PLCB1: variants seen among roughly 807,000 people sequenced by gnomAD.
The protein encoded by PLCB1 is 1-phosphatidylinositol 4,5-bisphosphate phosphodiesterase beta-1.
In PLCB1, 46 loss-of-function variants were observed where a neutral mutation model predicts 161.8. That is an observed-to-expected ratio of 0.28 (90% CI 0.22 to 0.36). The LOEUF (loss-of-function observed/expected upper bound fraction) is 0.36, where lower values mean the gene tolerates loss of function less well. Ranked by LOEUF, PLCB1 falls within the 10% of genes least tolerant of loss-of-function variation. The pLI, the probability that PLCB1 is intolerant of heterozygous loss-of-function variation, is 1.00. For synonymous variants in PLCB1, 517 were observed against 503.7 expected (o/e 1.03, Z -0.35); for missense variants, 1,016 against 1,472.5 (o/e 0.69, Z 5.07).
At chr20:8,154,469 C>T (rs1001267767) in intron 2 of PLCB1, among the ~76,000 whole-genome samples, 2 of 152,050 alleles carry the variant, frequency 1.3e-5, no homozygotes. Context: ...GTCAGGGATT[C>T]CCTAAGGTAA....
At chr20:8,763,442 G>A (rs1600306912) in intron 25 of PLCB1, among the ~76,000 whole-genome samples, 1 of 152,050 alleles carries the variant, frequency 6.6e-6, no homozygotes, top group African/African-American at 2.4e-5. Flanking sequence ...CTGGAGTGCA[G>A]TGGCACAATC....
intron 2 of PLCB1, among the ~76,000 whole-genome samples, chr20:8,309,016 G>GA (rs969021626): frequency 2.6e-5 from 4 of 150,978 alleles, no homozygotes; most frequent in East Asian, 3.9e-4. Flanking sequence ...ATTATTGGGG[G>GA]AAAAAAAACA....
chr20:8,687,133 C>T (rs1037589271), intron 10 of PLCB1, among the ~76,000 whole-genome samples: 2 of 151,706 alleles, frequency 1.3e-5, no homozygotes, highest in Non-Finnish European at 2.9e-5. Context: ...TCAAGCAATC[C>T]TCCCACCTCA....
chr20:8,246,508 A>G (rs1412830779), intron 2 of PLCB1, among the ~76,000 whole-genome samples: 1 of 151,996 alleles, frequency 6.6e-6, no homozygotes, highest in Admixed American at 6.6e-5. Context: ...GGTTTCCACC[A>G]CATTTTCTGT....
chr20:8,759,548 T>C (rs1981907045), intron 24 of PLCB1, among the ~76,000 whole-genome samples: 1 of 152,218 alleles, frequency 6.6e-6, no homozygotes, highest in South Asian at 2.1e-4. Context: ...TTGCCCAGGC[T>C]GGAGTGCAAT....
chr20:8,183,703 T>C (rs528517554), intron 2 of PLCB1, among the ~76,000 whole-genome samples: 17 of 152,344 alleles, frequency 1.1e-4, no homozygotes, highest in Admixed American at 9.1e-4. Flanking sequence ...GAATGTCAAG[T>C]ATGAATGTCC....
At chr20:8,870,646 T>C (rs1240808640) in intron 31 of PLCB1, among the ~76,000 whole-genome samples, 1 of 152,224 alleles carries the variant, frequency 6.6e-6, no homozygotes, top group Admixed American at 6.5e-5. Context: ...TTTCCTCTTT[T>C]ATTGATTCAG....
chr20:8,402,335 G>A (rs942555138), intron 3 of PLCB1, among the ~76,000 whole-genome samples: 28 of 151,948 alleles, frequency 1.8e-4, no homozygotes, highest in African/African-American at 6.8e-4. Context: ...TTTATATTCA[G>A]GTTGTCTTTT....
intron 3 of PLCB1, among the ~76,000 whole-genome samples, chr20:8,584,726 C>T (rs137904120): frequency 0.026 from 4,012 of 151,958 alleles, 184 homozygotes; most frequent in African/African-American, 0.093. Flanking sequence ...AGTCTCGCTC[C>T]GTCACCCAGG....
chr20:8,346,340 G>C (rs1254069892), intron 2 of PLCB1, among the ~76,000 whole-genome samples: 1 of 152,106 alleles, frequency 6.6e-6, no homozygotes, highest in Non-Finnish European at 1.5e-5. Context: ...GATTTTCAAG[G>C]CTTGAGTAAT....
chr20:8,717,618 G>A (rs1979394032), intron 13 of PLCB1, 53 bp from the exon 14 acceptor site: 2 of 1,416,182 alleles, frequency 1.4e-6, no homozygotes, highest in East Asian at 4.6e-5. Context: ...CTGGGGAGGG[G>A]ATCTGAAAGA....
At chr20:8,238,053 A>G (rs73897366) in intron 2 of PLCB1, among the ~76,000 whole-genome samples, 2,144 of 152,212 alleles carry the variant, frequency 0.014, 47 homozygotes, top group African/African-American at 0.048. Context: ...CTGAAACTCA[A>G]CGAAATCTTT....
At chr20:8,729,216 G>A (rs769061114) in intron 18 of PLCB1, 42 bp downstream of exon 18, 1 of 1,511,360 alleles carries the variant, frequency 6.6e-7, no homozygotes, top group Non-Finnish European at 8.9e-7. Flanking sequence ...AACTCACATT[G>A]CCAAGTGTCC....
chr20:8,792,750 G>T (rs565141099), intron 31 of PLCB1: 5 of 401,708 alleles, frequency 1.2e-5, no homozygotes, highest in South Asian at 7.7e-5. Flanking sequence ...GTGCCTTAAA[G>T]CTGTGATTTT....
At chr20:8,658,332 G>A (rs534593379) in intron 8 of PLCB1, among the ~76,000 whole-genome samples, 1 of 152,248 alleles carries the variant, frequency 6.6e-6, no homozygotes, top group East Asian at 1.9e-4. Flanking sequence ...TTGGGTTTTA[G>A]CGGTAGCAAT....
intron 31 of PLCB1, among the ~76,000 whole-genome samples, chr20:8,821,835 C>T (rs1432876998): frequency 6.6e-6 from 1 of 151,938 alleles, no homozygotes; most frequent in Non-Finnish European, 1.5e-5. Flanking sequence ...TCCACCCGCC[C>T]CCTCGCAGTG....
In PLCB1 at chr20:8,132,757, AT is replaced by A; in HGVS notation, c.99+9del. ...ATTCGTCAAGTGGGATGATGTAAGTATTGGGGCGGCCCGAGTCGGGGCGCTG... is the reference window on the plus strand; with the variant it reads ...ATTCGTCAAGTGGGATGATGTAAGTATGGGGCGGCCCGAGTCGGGGCGCTG... On this transcript the variant is annotated splice_region_variant and intron_variant, in intron 1 of 31. Coordinates refer to ENST00000338037, the MANE Select transcript of PLCB1 (RefSeq NM_015192.4). The surrounding 1 kb of genome is among the most constrained non-coding windows in gnomAD (Gnocchi z 5.2). 1 of 1,597,618 alleles carries A rather than the reference AT, an allele frequency of 6.3e-7. No individual in the cohort carries two copies. The highest frequency in any genetic ancestry group is 8.6e-7 in the Non-Finnish European group (1 of 1,166,238).
Position 8,522,191 on chromosome 20 carries a change from T to A in PLCB1, c.247-106103T>A, listed in dbSNP as rs77581806. ...CCTCAAGGCTAGACAGATACAGAGA[T>A]GCAATGTAGGATCTGGAGCTCCCCT... On this transcript the variant is annotated intron_variant, in intron 3 of 31. Transcript: ENST00000338037. 5.5e-3 allele frequency among the ~76,000 whole-genome samples: 832 copies of A among 152,286 alleles called. 7 individuals carry two copies. The highest frequency in any genetic ancestry group is 0.018 in the African/African-American group (734 of 41,570).
chr20:8,662,606 A>T (rs1989708527), intron 9 of PLCB1, among the ~76,000 whole-genome samples: 1 of 146,606 alleles, frequency 6.8e-6, no homozygotes, highest in Non-Finnish European at 1.5e-5. Flanking sequence ...TTAATAATCT[A>T]ATATCTATAA....
Sources: gnomAD v4.1 joint callset for allele counts (sites outside exome capture counted in the v4.1 genomes callset) on GRCh38, gnomAD v4.1.1 for gene constraint, Gnocchi (gnomAD v3.1) non-coding constraint, MANE v1.5 for transcripts, NCBI Gene and HGNC (gene_info 2026-07-23, HGNC 2026-07-21) for gene names.